MYCBP2: variants seen among roughly 807,000 people sequenced by gnomAD.
MYCBP2 encodes E3 ubiquitin-protein ligase MYCBP2.
A neutral mutation model predicts 525.3 loss-of-function variants in MYCBP2; 120 were observed. The observed-to-expected ratio is 0.23, with a 90% CI of 0.20 to 0.27. The LOEUF (loss-of-function observed/expected upper bound fraction) is 0.27. Ranked by LOEUF, MYCBP2 falls within the 10% of genes least tolerant of loss-of-function variation. The pLI is 1.00. For synonymous variants in MYCBP2, 1,894 were observed against 1,955.8 expected, an observed-to-expected ratio of 0.97 and a Z score of 0.83; for missense variants, 4,149 against 5,657.1, an observed-to-expected ratio of 0.73 and a Z score of 8.55.
chr13:77,243,506 G>A (rs1366254768), intron 16 of MYCBP2, among the ~76,000 whole-genome samples: 6 of 151,838 alleles, frequency 4.0e-5, no homozygotes, highest in South Asian at 2.1e-4. Context: ...CCAGCTACTC[G>A]GGAGGCCGAG....
intron 55 of MYCBP2, among the ~76,000 whole-genome samples, chr13:77,112,380 T>C (rs1218252355): frequency 6.8e-6 from 1 of 146,926 alleles, no homozygotes; most frequent in Non-Finnish European, 1.5e-5. Context: ...TAATATATAA[T>C]ATATATTTTA....
intron 55 of MYCBP2, among the ~76,000 whole-genome samples, chr13:77,110,875 C>A (rs2048704325): frequency 6.6e-6 from 1 of 152,184 alleles, no homozygotes; most frequent in African/African-American, 2.4e-5. Context: ...ATTCTCTCAT[C>A]TCAAAATGAG....
intron 26 of MYCBP2, among the ~76,000 whole-genome samples, chr13:77,202,378 G>C (rs986953910): frequency 5.9e-5 from 9 of 152,130 alleles, no homozygotes; most frequent in African/African-American, 1.7e-4. Flanking sequence ...CCAATAACAG[G>C]ATCTGAAATT....
intron 1 of MYCBP2, among the ~76,000 whole-genome samples, chr13:77,320,032 T>A (rs981819781): frequency 6.6e-6 from 1 of 152,176 alleles, no homozygotes; most frequent in Non-Finnish European, 1.5e-5. Context: ...TGCAATGCAG[T>A]CCCAGGAAGC....
At chr13:77,171,431 A>G (rs2059133892) in intron 38 of MYCBP2, 61 bp downstream of exon 38, 4 of 1,514,162 alleles carry the variant, frequency 2.6e-6, no homozygotes, top group Admixed American at 3.8e-5. Context: ...CAATAATTCT[A>G]TGCAAAAATT....
chr13:77,190,205 T>G, intron 29 of MYCBP2, 47 bp downstream of exon 29: 1 of 1,271,694 alleles, frequency 7.9e-7, no homozygotes, highest in Non-Finnish European at 1.1e-6. Context: ...TACTTCATTA[T>G]AGCAAAATAA....
At chr13:77,319,683 T>C (rs545423661) in intron 1 of MYCBP2, among the ~76,000 whole-genome samples, 9 of 152,192 alleles carry the variant, frequency 5.9e-5, no homozygotes, top group Non-Finnish European at 1.3e-4. Context: ...CACCAGTGCA[T>C]TCCCTTCAAC....
Position 77,056,997 on chromosome 13 carries a change from G to C in MYCBP2, c.13426C>G (p.Pro4476Ala), listed in dbSNP as rs1025934232. ...GATTCTTTCCATACCTTGCAAATGGGACAAGATATAAATCCAAATGTTATC... is the reference window on the plus strand; with the variant it reads ...GATTCTTTCCATACCTTGCAAATGGCACAAGATATAAATCCAAATGTTATC... ...PRITFGFISCPICKNKINHIV... is the reference protein window; with the variant it reads ...PRITFGFISCAICKNKINHIV... Residue 4476 changes from proline (P) to alanine (A), a missense_variant, in exon 79 of 83, where the codon CCC becomes GCC. This residue lies in a region of MYCBP2 where 220 missense variants were observed against 396.0 expected (regional missense o/e 0.56). Transcript: ENST00000544440. The C allele has an allele frequency of 2.5e-6, 4 of 1,609,370 alleles. No homozygotes were observed. Among genetic ancestry groups the C allele is most frequent in the African/African-American group, 1.3e-5 (1 of 74,802 alleles).
chr13:77,174,912 A>T (rs1358368793), intron 36 of MYCBP2, among the ~76,000 whole-genome samples: 1 of 108,468 alleles, frequency 9.2e-6, no homozygotes, highest in Admixed American at 9.8e-5. Context: ...TATATATATA[A>T]TATATATTAT....
In MYCBP2 at chr13:77,150,904, G is replaced by T; in HGVS notation, c.6961C>A (p.Gln2321Lys). Residue 2321 changes from glutamine (Q) to lysine (K), a missense_variant, in exon 47 of 83, where the codon CAA becomes AAA. Around this residue, in one of 21 missense-constraint regions of MYCBP2, gnomAD observed 692 missense variants for 852.7 expected, o/e 0.81. Transcript: ENST00000544440. ...VPVSQKKMSL[Q>K]QDQAKKPQRI... Reference sequence around the variant, plus strand: ...TGAGGTTTCTTTGCTTGATCTTGTTGTAAAGACATTTTTTTCTGAGAAACA... The same window carrying T: ...TGAGGTTTCTTTGCTTGATCTTGTTTTAAAGACATTTTTTTCTGAGAAACA... The T allele has an allele frequency of 6.2e-7, 1 of 1,613,976 alleles. No homozygotes were observed.
chr13:77,190,733 T>A lies in MYCBP2; in HGVS notation c.4071-398A>T, dbSNP rs554745141. ...TCTATGAAAATCATACAGTCCAGGG[T>A]CAAAGTAGTCACTTAGTTCTAAAGA... On this transcript the variant is annotated intron_variant, in intron 28 of 82. Coordinates refer to ENST00000544440, the MANE Select transcript of MYCBP2 (RefSeq NM_015057.5). Among the ~76,000 whole-genome samples, 16 of 152,294 alleles carry A rather than the reference T, an allele frequency of 1.1e-4. No homozygotes were observed. In the East Asian group the frequency reaches 2.9e-3, roughly 28 times the overall value.
Position 77,288,244 on chromosome 13 carries a change from C to A in MYCBP2, c.511G>T (p.Ala171Ser). ...WQKKEISLAA[A>S]SKNSVQSGES... ...CCACTCTGCACAGAGTTCTTAGATG[C>A]GGCTGCCAATGATATTTCCTTTTTC... Residue 171 changes from alanine (A) to serine (S), a missense_variant, in exon 3 of 83, where the codon GCA (alanine) becomes TCA (serine). Around this residue, in one of 21 missense-constraint regions of MYCBP2, gnomAD observed 413 missense variants for 451.2 expected, o/e 0.92. Coordinates refer to ENST00000544440, the MANE Select transcript of MYCBP2 (RefSeq NM_015057.5). 4 of 1,614,132 alleles carry A rather than the reference C, an allele frequency of 2.5e-6. No homozygotes were observed. Among genetic ancestry groups the A allele is most frequent in the Non-Finnish European group, 2.5e-6 (3 of 1,180,032 alleles).
intron 58 of MYCBP2, among the ~76,000 whole-genome samples, chr13:77,094,645 CTT>C (rs1329723488): frequency 1.3e-5 from 2 of 152,132 alleles, no homozygotes; most frequent in Admixed American, 1.3e-4. Context: ...TCATTTGTGT[CTT>C]TACTCACCTG....
chr13:77,243,251 C>T (rs1594262914), intron 16 of MYCBP2, 91 bp from the exon 17 acceptor site: 1 of 966,156 alleles, frequency 1.0e-6, no homozygotes, highest in East Asian at 2.4e-5. Context: ...AAAGTAAAAG[C>T]TAGCAAAAAC....
chr13:77,097,920 T>C lies in MYCBP2; in HGVS notation c.9234A>G (p.Thr3078=). ...TTTTTAACTTGGTTTCTTTTTCCTC[T>C]GTAGGTTGTTGGCTATTTAAACTAC... The part of the protein sequence containing the change: ...IRSSLNSQQP[T]EEKETKLKNR... The change falls in exon 56 of 83, where the codon ACA becomes ACG. Residue 3078 remains threonine, a synonymous_variant. Coordinates refer to ENST00000544440, the MANE Select transcript of MYCBP2 (RefSeq NM_015057.5). 6.2e-7 allele frequency: 1 copy of C among 1,612,768 alleles called. No homozygotes were observed. Among genetic ancestry groups the C allele is most frequent in the Non-Finnish European group, 8.5e-7 (1 of 1,179,620 alleles).
chr13:77,175,135 T>C (rs776307376), intron 36 of MYCBP2, among the ~76,000 whole-genome samples: 14 of 149,938 alleles, frequency 9.3e-5, no homozygotes, highest in Non-Finnish European at 1.9e-4. Context: ...TCTGACTATA[T>C]TGCCCAGCCT....
At chr13:77,063,256 A>AAAACTGTTCTCC (rs1293419543) in intron 73 of MYCBP2, among the ~76,000 whole-genome samples, 10 of 152,162 alleles carry the variant, frequency 6.6e-5, no homozygotes, top group African/African-American at 2.4e-4. Context: ...AAAGCTTTAG[A>AAAACTGTTCTCC]AAACTGTTCT....
At chr13:77,200,242 A>G (rs1309761087) in intron 26 of MYCBP2, among the ~76,000 whole-genome samples, 2 of 152,238 alleles carry the variant, frequency 1.3e-5, no homozygotes, top group Non-Finnish European at 2.9e-5. Flanking sequence ...CTACGTGAAG[A>G]ATGCAGAAGC....
intron 3 of MYCBP2, among the ~76,000 whole-genome samples, chr13:77,284,325 A>C (rs998800607): frequency 9.9e-5 from 15 of 152,200 alleles, no homozygotes; most frequent in Non-Finnish European, 1.8e-4. Flanking sequence ...AGAGGAACAA[A>C]GAAAAGGAGC....
Sources: allele counts gnomAD v4.1 joint callset (sites outside exome capture counted in the v4.1 genomes callset), GRCh38; gene constraint gnomAD v4.1.1; regional missense constraint gnomAD v4.1.1; transcripts MANE v1.5; gene names NCBI Gene and HGNC (gene_info 2026-07-23, HGNC 2026-07-21).